Variants in SEMA4F observed in about 807,000 individuals in gnomAD.
SEMA4F encodes ssemaphorin 4F, also known as semaphorin-4F.
SEMA4F carries 51 observed loss-of-function variants against 78.4 expected under a neutral mutation model. That is an observed-to-expected ratio of 0.65 (90% CI 0.52 to 0.82). The LOEUF (loss-of-function observed/expected upper bound fraction) is 0.82, where lower values mean the gene tolerates loss of function less well. SEMA4F is among the 40% of genes least tolerant of loss of function. The pLI is 0.00. For missense variants in SEMA4F, 938 were observed against 1,014.4 expected, an observed-to-expected ratio of 0.92 and a Z score of 1.02; for synonymous variants, 418 against 408.7, an observed-to-expected ratio of 1.02 and a Z score of -0.27.
chr2:74,706,203 GT>G, the SEMA4F span, among the ~76,000 whole-genome samples: 1 of 152,116 alleles, frequency 6.6e-6, no homozygotes, highest in Non-Finnish European at 1.5e-5. Flanking sequence ...GGGATATTAT[GT>G]TTCCAGTTTA....
rs1311721866 is a variant in SEMA4F, at chr2:74,680,535, C to T, written c.*326C>T. On this transcript the variant is annotated 3_prime_UTR_variant, in exon 14 of 14. Transcript: ENST00000357877. ...TTTGGGGATGGGGCACAGGGCATAGCTATGACTTTGCTTTCTGGTTGGAGC... is the reference window on the plus strand; with the variant it reads ...TTTGGGGATGGGGCACAGGGCATAGTTATGACTTTGCTTTCTGGTTGGAGC... 9.1e-6 allele frequency: 2 copies of T among 220,486 alleles called. No individual in the cohort carries two copies. The highest frequency in any genetic ancestry group is 1.8e-5 in the Non-Finnish European group (2 of 112,140). The allele number at this position is 220,486 out of a possible 1,614,324, so 13.7% of individuals were successfully genotyped here.
chr2:74,656,954 A>C (rs988074011), intron 2 of SEMA4F, among the ~76,000 whole-genome samples: 2 of 152,162 alleles, frequency 1.3e-5, no homozygotes, highest in African/African-American at 4.8e-5. Context: ...GACAATGGGC[A>C]GAGGGATCAT....
At position 74,679,699 on chromosome 2, in the gene SEMA4F, C is replaced by T. The variant is rs1219551768; in HGVS notation, c.1803C>T (p.Pro601=). The T allele has an allele frequency of 1.2e-6, 2 of 1,614,068 alleles. No homozygotes were observed. Among genetic ancestry groups the T allele is most frequent in the Admixed American group, 3.3e-5 (2 of 60,024 alleles). ...SAWASCVWHQ[P]SGVTALTPRR... Reference sequence around the variant, plus strand: ...GGGCATCCTGTGTGTGGCACCAGCCCAGTGGAGTGACTGCACTCACCCCCC... The same window carrying T: ...GGGCATCCTGTGTGTGGCACCAGCCTAGTGGAGTGACTGCACTCACCCCCC... The change falls in exon 14 of 14, where the codon CCC becomes CCT. Residue 601 remains proline (P), a synonymous_variant. Transcript: ENST00000357877.
Position 74,675,242 on chromosome 2 carries a change from C to T in SEMA4F, c.1230C>T (p.Asp410=), listed in dbSNP as rs747597767. Reference sequence around the variant, plus strand: ...ACCGCGTACTCACCTTCATCCGGGACCACCCACTCATGGACAGGCCAGTGT... The same window carrying T: ...ACCGCGTACTCACCTTCATCCGGGATCACCCACTCATGGACAGGCCAGTGT... The part of the protein sequence containing the change: ...LPDRVLTFIR[D]HPLMDRPVFP... The change falls in exon 10 of 14, where the codon GAC becomes GAT. Residue 410 remains aspartate, a synonymous_variant. Transcript: ENST00000357877. 2 of 1,614,074 alleles carry T rather than the reference C, an allele frequency of 1.2e-6. No homozygotes were observed. The highest frequency in any genetic ancestry group is 1.3e-5 in the African/African-American group (1 of 74,924).
intron 5 of SEMA4F, among the ~76,000 whole-genome samples, chr2:74,666,050 GGCGCCCA>G (rs1684680780): frequency 6.6e-6 from 1 of 152,098 alleles, no homozygotes; most frequent in East Asian, 1.9e-4. Flanking sequence ...TGAGATTACA[GGCGCCCA>G]CCACCACTCC....
At chr2:74,697,055 GA>G in the SEMA4F span, among the ~76,000 whole-genome samples, 2 of 152,302 alleles carry the variant, frequency 1.3e-5, no homozygotes, top group African/African-American at 4.8e-5. Context: ...TACTTTTGAC[GA>G]ATATTACCAA....
rs567119206 is a variant in SEMA4F, at chr2:74,683,692, C to G, written c.*3483C>G. The stretch of plus-strand genomic sequence containing the variant: ...TCATAAGAACCAGAGGATTTTCTGC[C>G]CTTTGCTGGGAGCCACATGAGCCCC... On this transcript the variant is annotated 3_prime_UTR_variant, in exon 14 of 14. Coordinates refer to ENST00000357877, the MANE Select transcript of SEMA4F (RefSeq NM_004263.5). 1 of 152,038 alleles carries G rather than the reference C, an allele frequency of 6.6e-6. No individual in the cohort carries two copies. The highest frequency in any genetic ancestry group is 2.4e-5 in the African/African-American group (1 of 41,364). 9.4% of individuals were successfully genotyped at this position (152,038 alleles called of 1,614,324 possible).
chr2:74,684,246 A>G (rs1305006805), downstream of SEMA4F, among the ~76,000 whole-genome samples: 1 of 152,180 alleles, frequency 6.6e-6, no homozygotes, highest in Non-Finnish European at 1.5e-5. Context: ...AGCTGTCCAC[A>G]TGCTACCTCT....
the SEMA4F span, among the ~76,000 whole-genome samples, chr2:74,697,759 C>T: frequency 5.3e-5 from 8 of 152,146 alleles, no homozygotes; most frequent in Non-Finnish European, 8.8e-5. Flanking sequence ...TACTTGTGTT[C>T]TTGATGTTCC....
intron 5 of SEMA4F, among the ~76,000 whole-genome samples, chr2:74,665,968 C>T (rs1364810075): frequency 1.3e-5 from 2 of 150,488 alleles, no homozygotes; most frequent in Non-Finnish European, 1.5e-5. Flanking sequence ...AATGCAGTGG[C>T]GCCATCTCGG....
intron 4 of SEMA4F, among the ~76,000 whole-genome samples, chr2:74,660,079 T>A (rs556670273): frequency 6.6e-6 from 1 of 152,226 alleles, no homozygotes; most frequent in African/African-American, 2.4e-5. Flanking sequence ...AACCATTCAG[T>A]TGAGTGTCTG....
Position 74,680,286 on chromosome 2 carries a change from C to T in SEMA4F, c.*77C>T. On this transcript the variant is annotated 3_prime_UTR_variant, in exon 14 of 14. Transcript: ENST00000357877. ...ACTGAGATGCTGGGGGTCACTGGGC[C>T]TGGAAGACCATCCCAGCCTCTGAGT... is the stretch of plus-strand genomic sequence containing the variant. The T allele has an allele frequency of 6.8e-7, 1 of 1,472,070 alleles. No homozygotes were observed. The highest frequency in any genetic ancestry group is 9.1e-7 in the Non-Finnish European group (1 of 1,097,072). The allele number at this position is 1,472,070 out of a possible 1,614,324, so 91.2% of individuals were successfully genotyped here. A position where few individuals can be genotyped will look rare whatever the true frequency, so the allele number is the denominator to read the frequency against.
intron 4 of SEMA4F, 48 bp downstream of exon 4, chr2:74,657,999 G>A: frequency 1.9e-6 from 3 of 1,540,708 alleles, no homozygotes; most frequent in Non-Finnish European, 2.7e-6. Context: ...GCACCAGTGT[G>A]AGTTACTTGG....
chr2:74,666,097 G>A (rs1201530585), intron 5 of SEMA4F, among the ~76,000 whole-genome samples: 3 of 151,906 alleles, frequency 2.0e-5, no homozygotes, highest in African/African-American at 4.8e-5. Context: ...TAGTAGAGAT[G>A]GGGTTTCACC....
At chr2:74,654,607 C>G in intron 1 of SEMA4F, 86 bp downstream of exon 1, 1 of 1,227,540 alleles carries the variant, frequency 8.1e-7, no homozygotes, top group East Asian at 3.1e-5. Flanking sequence ...TCGGCCGGAC[C>G]CGGGCCTCTC....
At position 74,675,601 on chromosome 2, in the gene SEMA4F, G is replaced by C. The variant is rs752336392; in HGVS notation, c.1449G>C (p.Glu483Asp). 63 of 1,614,074 alleles carry C rather than the reference G, an allele frequency of 3.9e-5. 2 individuals are homozygous for C. In the South Asian group the frequency reaches 6.7e-4, roughly 17 times the overall value. ...TTGAAGATCTGGCCTTATTCCCAGA[G>C]CCACAGCCAGTTGAGAACATGAAAT... ...SVLEDLALFP[E>D]PQPVENMKLY... is the part of the protein sequence containing the mutation. Residue 483 changes from glutamate (E) to aspartate (D), a missense_variant, in exon 11 of 14, where the codon GAG becomes GAC. Glu to Asp is a conservative substitution (Grantham distance 45, BLOSUM62 2). Coordinates refer to ENST00000357877, the MANE Select transcript of SEMA4F (RefSeq NM_004263.5).
chr2:74,679,412 C>A, intron 13 of SEMA4F, 78 bp downstream of exon 13: 1 of 1,486,944 alleles, frequency 6.7e-7, no homozygotes, highest in African/African-American at 1.4e-5. Context: ...CATTTTGGAA[C>A]GATTCTAAAC....
the SEMA4F span, among the ~76,000 whole-genome samples, chr2:74,704,055 A>G: frequency 6.6e-6 from 1 of 152,128 alleles, no homozygotes; most frequent in African/African-American, 2.4e-5. Context: ...AGGATGTGTG[A>G]ATCAGGAAAT....
downstream of SEMA4F, among the ~76,000 whole-genome samples, chr2:74,685,354 G>A (rs962164000): frequency 1.3e-5 from 2 of 152,042 alleles, no homozygotes; most frequent in Non-Finnish European, 2.9e-5. Context: ...CTTAGTCACT[G>A]GAATCAGTGT....
Sources: gnomAD v4.1 joint callset for allele counts (sites outside exome capture counted in the v4.1 genomes callset) on GRCh38, gnomAD v4.1.1 for gene constraint, MANE v1.5 for transcripts, NCBI Gene and HGNC (gene_info 2026-07-23, HGNC 2026-07-21) for gene names.